Variants in ARHGEF38 observed in about 807,000 individuals in gnomAD.
The protein encoded by ARHGEF38 is Rho guanine nucleotide exchange factor 38, also known as Rho guanine nucleotide exchange factor (GEF) 38.
In ARHGEF38, 79 loss-of-function variants were observed where a neutral mutation model predicts 79.9. That is an observed-to-expected ratio of 0.99 (90% CI 0.82 to 1.19). ARHGEF38 has a LOEUF of 1.19. Ranked by LOEUF, ARHGEF38 falls within the 50% of genes most tolerant of loss-of-function variation. The pLI, the probability that ARHGEF38 is intolerant of heterozygous loss-of-function variation, is 0.00. For synonymous variants in ARHGEF38, 366 were observed against 328.3 expected (o/e 1.11, Z -1.24); for missense variants, 962 against 907.2 (o/e 1.06, Z -0.78).
chr4:105,660,744 C>A (rs1364147814), intron 10 of ARHGEF38, among the ~76,000 whole-genome samples: 1 of 152,108 alleles, frequency 6.6e-6, no homozygotes, highest in Non-Finnish European at 1.5e-5. Flanking sequence ...CCAGCCTGAG[C>A]TTCCTAATTC....
In ARHGEF38 at chr4:105,561,474, A is replaced by AATAGAATG. The variant is rs1725589170; in HGVS notation, c.196+8513_196+8514insATAGAATG. The AATAGAATG allele has an allele frequency of 1.2e-4, 6 of 50,780 alleles. 1 individual carries two copies. Among genetic ancestry groups the AATAGAATG allele is most frequent in the Non-Finnish European group, 2.1e-4 (5 of 24,388 alleles). The allele number at this position is 50,780 out of a possible 1,614,324, so 3.1% of individuals were successfully genotyped here. On this transcript the variant is annotated intron_variant, in intron 1 of 13. Coordinates refer to ENST00000420470, the MANE Select transcript of ARHGEF38 (RefSeq NM_001242729.2). ...GGAATAGAATAGAATAGAATAGAAT[A>AATAGAATG]GAATAGAATAGAATAGAATAGAATA...
chr4:105,678,272 C>CTT lies in ARHGEF38; in HGVS notation c.*344_*345dup, dbSNP rs796741981. On this transcript the variant is annotated 3_prime_UTR_variant, in exon 14 of 14. Transcript: ENST00000420470. ...TTGGATCCAAAGGTTTTTCAATTTA[C>CTT]TTTTTTTTTTACTGTATGATGTATT... The CTT allele has an allele frequency of 2.2e-5, 4 of 179,126 alleles. No homozygotes were observed. The highest frequency in any genetic ancestry group is 1.4e-4 in the East Asian group (1 of 7,164). 11.1% of individuals were successfully genotyped at this position (179,126 alleles called of 1,614,324 possible).
At chr4:105,571,138 G>A (rs879657298) in intron 1 of ARHGEF38, among the ~76,000 whole-genome samples, 2 of 152,074 alleles carry the variant, frequency 1.3e-5, no homozygotes, top group African/African-American at 4.8e-5. Context: ...TAATGCCGCT[G>A]AACTGCACAC....
In ARHGEF38 at chr4:105,677,954, C is replaced by T; in HGVS notation, c.*17C>T. ...TATGCTTAAGAAAATAAGCCTTCAACTTTTATTTTCCAGCAAGTTGTTGAT... is the reference window on the plus strand; with the variant it reads ...TATGCTTAAGAAAATAAGCCTTCAATTTTTATTTTCCAGCAAGTTGTTGAT... On this transcript the variant is annotated 3_prime_UTR_variant, in exon 14 of 14. Transcript: ENST00000420470. The T allele has an allele frequency of 6.8e-7, 1 of 1,475,512 alleles. No homozygotes were observed. The highest frequency in any genetic ancestry group is 9.0e-7 in the Non-Finnish European group (1 of 1,110,544). 91.4% of individuals were successfully genotyped at this position (1,475,512 alleles called of 1,614,324 possible).
At chr4:105,587,953 G>T (rs112919386) in intron 1 of ARHGEF38, among the ~76,000 whole-genome samples, 10,767 of 152,216 alleles carry the variant, frequency 0.071, 410 homozygotes, top group Middle Eastern at 0.092. Flanking sequence ...ACTGATGCTG[G>T]AATTACTCTC....
At chr4:105,593,336 G>A (rs1353498952) in intron 2 of ARHGEF38, among the ~76,000 whole-genome samples, 1 of 151,962 alleles carries the variant, frequency 6.6e-6, no homozygotes, top group Admixed American at 6.6e-5. Context: ...GAGGCCAGGA[G>A]TTCGAGACCA....
At chr4:105,584,460 C>T (rs1472847864) in intron 1 of ARHGEF38, among the ~76,000 whole-genome samples, 2 of 152,134 alleles carry the variant, frequency 1.3e-5, no homozygotes, top group Non-Finnish European at 2.9e-5. Context: ...CTTTATAAGG[C>T]TTTACTAACG....
rs2149171931 is a variant in ARHGEF38, at chr4:105,678,612, T to A, written c.*675T>A. 6.6e-6 allele frequency: 1 copy of A among 152,304 alleles called. No homozygotes were observed. Among genetic ancestry groups the A allele is most frequent in the South Asian group, 2.1e-4 (1 of 4,828 alleles). 9.4% of individuals were successfully genotyped at this position (152,304 alleles called of 1,614,324 possible). A position where few individuals can be genotyped will look rare whatever the true frequency, so the allele number is the denominator to read the frequency against. ...CAGACATTGTTCTAAGTGCTTTATA[T>A]GTAGTAACTTGTTTAATATTCAAAA... On this transcript the variant is annotated 3_prime_UTR_variant, in exon 14 of 14. Transcript: ENST00000420470.
chr4:105,671,636 T>C (rs567216684), intron 13 of ARHGEF38, among the ~76,000 whole-genome samples: 1 of 152,306 alleles, frequency 6.6e-6, no homozygotes, highest in African/African-American at 2.4e-5. Flanking sequence ...TATAAGTCAA[T>C]ACATTATAGA....
At chr4:105,561,929 G>A (rs181323559) in intron 1 of ARHGEF38, among the ~76,000 whole-genome samples, 2 of 152,274 alleles carry the variant, frequency 1.3e-5, no homozygotes, top group South Asian at 4.1e-4. Flanking sequence ...TTGTGGAAAA[G>A]TGACTAGGAA....
intron 4 of ARHGEF38, among the ~76,000 whole-genome samples, chr4:105,634,407 AG>A (rs1729319106): frequency 6.6e-6 from 1 of 152,176 alleles, no homozygotes. Context: ...TTCAACAAAA[AG>A]TTTTGACAGT....
chr4:105,586,194 A>G (rs1329778660), intron 1 of ARHGEF38, among the ~76,000 whole-genome samples: 1 of 150,302 alleles, frequency 6.7e-6, no homozygotes, highest in Non-Finnish European at 1.5e-5. Flanking sequence ...TTACAAAAAC[A>G]AAATGTGTCC....
Position 105,613,498 on chromosome 4 carries a change from C to T in ARHGEF38, c.499C>T (p.Gln167Ter). 1 of 1,612,600 alleles carries T rather than the reference C, an allele frequency of 6.2e-7. No individual in the cohort carries two copies. Among genetic ancestry groups the T allele is most frequent in the Non-Finnish European group, 8.5e-7 (1 of 1,179,056 alleles). ...CACAACAGACGTGGAACCGGCCATG[C>T]AAGTAATTGGTATGTTTATTCTCTT... ...EATTDVEPAMQVIGEVFLQIK... is the reference protein window; with the variant it reads ...EATTDVEPAM The change falls in exon 3 of 14, where the codon CAA (glutamine) becomes TAA (stop). Residue 167 changes from glutamine to a stop codon, truncating the protein, a stop_gained. Coordinates refer to ENST00000420470, the MANE Select transcript of ARHGEF38 (RefSeq NM_001242729.2). LOFTEE classifies it high-confidence loss of function.
chr4:105,629,504 A>G (rs1560732656), intron 3 of ARHGEF38, among the ~76,000 whole-genome samples: 1 of 151,856 alleles, frequency 6.6e-6, no homozygotes, highest in East Asian at 1.9e-4. Flanking sequence ...CCTGTTAACT[A>G]TAATAGGTCC....
intron 8 of ARHGEF38, among the ~76,000 whole-genome samples, chr4:105,654,392 T>G (rs1730238994): frequency 6.6e-6 from 1 of 152,186 alleles, no homozygotes; most frequent in African/African-American, 2.4e-5. Flanking sequence ...GTCCAAATAG[T>G]CATATTGTGG....
intron 2 of ARHGEF38, among the ~76,000 whole-genome samples, chr4:105,591,915 T>C (rs1345372719): frequency 3.9e-5 from 6 of 152,238 alleles, no homozygotes. Context: ...AAATGTTTTC[T>C]GCTGTGTTTT....
chr4:105,607,682 G>A (rs1728109760), intron 2 of ARHGEF38, among the ~76,000 whole-genome samples: 2 of 152,080 alleles, frequency 1.3e-5, no homozygotes, highest in Admixed American at 1.3e-4. Flanking sequence ...AACAGGAAAT[G>A]TTTCCTAGAG....
chr4:105,570,540 T>G (rs983165775), intron 1 of ARHGEF38, among the ~76,000 whole-genome samples: 2 of 152,142 alleles, frequency 1.3e-5, no homozygotes, highest in African/African-American at 4.8e-5. Flanking sequence ...AAACACATCC[T>G]TCTCATGGCA....
At chr4:105,579,944 C>T (rs1464795977) in intron 1 of ARHGEF38, among the ~76,000 whole-genome samples, 6 of 152,112 alleles carry the variant, frequency 3.9e-5, no homozygotes, top group African/African-American at 1.4e-4. Context: ...TGAATTTCTT[C>T]CTGGTTCAGT....
Sources: allele counts gnomAD v4.1 joint callset (sites outside exome capture counted in the v4.1 genomes callset), GRCh38; gene constraint gnomAD v4.1.1; transcripts MANE v1.5; gene names NCBI Gene and HGNC (gene_info 2026-07-23, HGNC 2026-07-21).